Variants in STEAP1B observed in about 807,000 individuals in gnomAD.
The protein encoded by STEAP1B is STEAP family member 1B.
STEAP1B carries 13 observed loss-of-function variants against 27.9 expected under a neutral mutation model. The ratio of observed to expected loss-of-function variants is 0.47; its 90% confidence interval spans 0.30 to 0.74. The LOEUF (loss-of-function observed/expected upper bound fraction) is 0.74, where lower values mean the gene tolerates loss of function less well. Ranked by LOEUF, STEAP1B falls within the 30% of genes least tolerant of loss-of-function variation. The pLI is 0.06. For synonymous variants in STEAP1B, 86 were observed against 107.1 expected (o/e 0.80, Z 1.22); for missense variants, 250 against 298.7 (o/e 0.84, Z 1.20).
intron 4 of STEAP1B, among the ~76,000 whole-genome samples, chr7:22,487,812 A>C (rs1162237628): frequency 1.1e-3 from 139 of 121,474 alleles, no homozygotes; most frequent in Middle Eastern, 7.6e-3. Context: ...CCCAAAAAAA[A>C]AAAAAAAAAA....
chr7:22,469,718 T>G (rs1310953699), intron 4 of STEAP1B, among the ~76,000 whole-genome samples: 1 of 152,198 alleles, frequency 6.6e-6, no homozygotes, highest in Non-Finnish European at 1.5e-5. Context: ...TATAATAGGC[T>G]CTACCATCTA....
chr7:22,449,827 T>C (rs1455268419), intron 4 of STEAP1B, among the ~76,000 whole-genome samples: 1 of 152,240 alleles, frequency 6.6e-6, no homozygotes, highest in African/African-American at 2.4e-5. Context: ...GTCTTTTGGA[T>C]ATAAGCCATT....
At chr7:22,470,769 C>T (rs1447708279) in intron 4 of STEAP1B, among the ~76,000 whole-genome samples, 1 of 152,102 alleles carries the variant, frequency 6.6e-6, no homozygotes, top group Non-Finnish European at 1.5e-5. Flanking sequence ...TTTTCATGAA[C>T]ATTCTGTGGG....
At chr7:22,472,745 C>G (rs963812761) in intron 4 of STEAP1B, among the ~76,000 whole-genome samples, 6 of 152,176 alleles carry the variant, frequency 3.9e-5, no homozygotes, top group African/African-American at 1.4e-4. Context: ...CCTCTCCCAG[C>G]AGAAACATTT....
At chr7:22,492,175 T>TG (rs1184784262) in intron 4 of STEAP1B, among the ~76,000 whole-genome samples, 1 of 151,158 alleles carries the variant, frequency 6.6e-6, no homozygotes, top group African/African-American at 2.4e-5. Context: ...AAAAATTAGC[T>TG]GGACATGGTG....
At chr7:22,464,029 A>G (rs1330320623) in intron 4 of STEAP1B, among the ~76,000 whole-genome samples, 2 of 152,022 alleles carry the variant, frequency 1.3e-5, no homozygotes, top group Non-Finnish European at 2.9e-5. Flanking sequence ...AACCTACAAA[A>G]TGGGAGAAAA....
At chr7:22,470,455 A>C (rs970014317) in intron 4 of STEAP1B, among the ~76,000 whole-genome samples, 2 of 152,210 alleles carry the variant, frequency 1.3e-5, no homozygotes, top group African/African-American at 4.8e-5. Flanking sequence ...ATTCCAATTG[A>C]CAAATGTAGA....
At chr7:22,426,423 T>A (rs1785108041) in intron 4 of STEAP1B, among the ~76,000 whole-genome samples, 1 of 152,180 alleles carries the variant, frequency 6.6e-6, no homozygotes, top group Non-Finnish European at 1.5e-5. Flanking sequence ...CTTGAGTGTA[T>A]TCACTCAGCA....
chr7:22,488,335 G>C (rs1333921820), intron 4 of STEAP1B, among the ~76,000 whole-genome samples: 1 of 152,218 alleles, frequency 6.6e-6, no homozygotes, highest in East Asian at 1.9e-4. Context: ...AAGGAGAAGA[G>C]GAAGGGCTTT....
intron 4 of STEAP1B, among the ~76,000 whole-genome samples, chr7:22,455,914 G>A (rs1417590633): frequency 1.3e-5 from 2 of 152,218 alleles, no homozygotes; most frequent in Non-Finnish European, 2.9e-5. Flanking sequence ...TTGGGAGGCC[G>A]AGGAGGGCAG....
chr7:22,438,749 G>C, intron 4 of STEAP1B: 3 of 1,547,984 alleles, frequency 1.9e-6, no homozygotes, highest in Non-Finnish European at 2.6e-6. Flanking sequence ...CTTCCAGTCA[G>C]TATAGCCTAG....
At chr7:22,498,867 T>C (rs2043114793) in intron 1 of STEAP1B, among the ~76,000 whole-genome samples, 1 of 152,158 alleles carries the variant, frequency 6.6e-6, no homozygotes, top group Admixed American at 6.5e-5. Context: ...GCCATTTGTC[T>C]GCATGGTAAG....
chr7:22,472,133 G>T (rs543298400), intron 4 of STEAP1B, among the ~76,000 whole-genome samples: 6 of 152,290 alleles, frequency 3.9e-5, no homozygotes, highest in African/African-American at 1.4e-4. Context: ...GGATTGTTGG[G>T]ACTTCTGGAA....
At chr7:22,430,137 T>C (rs1785158311) in intron 4 of STEAP1B, among the ~76,000 whole-genome samples, 1 of 152,232 alleles carries the variant, frequency 6.6e-6, no homozygotes, top group Non-Finnish European at 1.5e-5. Context: ...TACGTTATTT[T>C]TTGTGAATAT....
At chr7:22,468,443 T>C (rs2128410050) in intron 4 of STEAP1B, among the ~76,000 whole-genome samples, 1 of 152,260 alleles carries the variant, frequency 6.6e-6, no homozygotes, top group East Asian at 1.9e-4. Flanking sequence ...ATACTGCTGG[T>C]GGAAATGCAA....
chr7:22,481,932 C>T (rs763729385), intron 4 of STEAP1B, among the ~76,000 whole-genome samples: 18 of 152,194 alleles, frequency 1.2e-4, no homozygotes, highest in Non-Finnish European at 2.2e-4. Flanking sequence ...TCTGTTGGCA[C>T]GTGTTTCCAT....
chr7:22,494,127 A>G (rs1004447356), intron 2 of STEAP1B, among the ~76,000 whole-genome samples: 1 of 142,704 alleles, frequency 7.0e-6, no homozygotes, highest in African/African-American at 2.7e-5. Context: ...CTTGTAATTT[A>G]TTAATTACTT....
intron 4 of STEAP1B, among the ~76,000 whole-genome samples, chr7:22,439,438 T>C (rs1785299111): frequency 6.6e-6 from 1 of 152,164 alleles, no homozygotes; most frequent in African/African-American, 2.4e-5. Flanking sequence ...AAGATTTTTT[T>C]TTTTTCATAC....
intron 1 of STEAP1B, 76 bp from the exon 2 acceptor site, chr7:22,494,962 T>C: frequency 1.3e-6 from 1 of 763,150 alleles, no homozygotes; most frequent in Non-Finnish European, 2.0e-6. Context: ...ATATAAAAAA[T>C]TTACTTGCTT....
Sources: allele counts gnomAD v4.1 joint callset (sites outside exome capture counted in the v4.1 genomes callset), GRCh38; gene constraint gnomAD v4.1.1; transcripts MANE v1.5; gene names NCBI Gene and HGNC (gene_info 2026-07-23, HGNC 2026-07-21).